The following TOPAZ1 variants were observed in gnomAD, a reference collection of about 807,000 sequenced individuals.
The protein encoded by TOPAZ1 is testis and ovary specific TOPAZ 1, also known as protein TOPAZ1.
In TOPAZ1, 66 loss-of-function variants were observed where a neutral mutation model predicts 172.2. That is an observed-to-expected ratio of 0.38 (90% CI 0.31 to 0.47). TOPAZ1 has a LOEUF of 0.47. TOPAZ1 is among the 20% of genes least tolerant of loss of function. TOPAZ1 has a pLI of 0.99. For missense variants in TOPAZ1, 1,822 were observed against 1,972.4 expected, an observed-to-expected ratio of 0.92 and a Z score of 1.44; for synonymous variants, 681 against 683.9, an observed-to-expected ratio of 1.00 and a Z score of 0.07.
intron 3 of TOPAZ1, 69 bp from the exon 4 acceptor site, chr3:44,256,082 G>T: frequency 1.6e-6 from 2 of 1,230,598 alleles, no homozygotes; most frequent in South Asian, 3.5e-5. Flanking sequence ...TCATTTTTTA[G>T]AACAGCCTTT....
At chr3:44,298,910 T>TATATATA (rs1491140048) in intron 12 of TOPAZ1, among the ~76,000 whole-genome samples, 250 of 16,110 alleles carry the variant, frequency 0.016, 3 homozygotes, top group Middle Eastern at 0.083. Context: ...TATATATATA[T>TATATATA]TTTTTTTTTT....
chr3:44,257,352 G>GGGGGGTGTGTGTGTGT (rs1264696203), intron 4 of TOPAZ1, among the ~76,000 whole-genome samples: 1 of 110,386 alleles, frequency 9.1e-6, no homozygotes, highest in African/African-American at 3.9e-5. Flanking sequence ...AAAACATAGG[G>GGGGGGTGTGTGTGTGT]GTGTGTGTGT....
Position 44,287,736 on chromosome 3 carries a change from G to T in TOPAZ1, c.3589-11G>T. 2 of 1,383,594 alleles carry T rather than the reference G, an allele frequency of 1.4e-6. No individual in the cohort carries two copies. The highest frequency in any genetic ancestry group is 9.8e-7 in the Non-Finnish European group (1 of 1,025,536). The allele number at this position is 1,383,594 out of a possible 1,614,324, so 85.7% of individuals were successfully genotyped here. ...ATCTGAAAATGAGTGTAATTTTTTT[G>T]TTTTATCCAGCCTTCTCTGAAAATA... is the stretch of plus-strand genomic sequence containing the variant. On this transcript the variant is annotated splice_polypyrimidine_tract_variant and intron_variant, in intron 10 of 19. Coordinates refer to ENST00000309765, the MANE Select transcript of TOPAZ1 (RefSeq NM_001145030.2).
chr3:44,315,337 T>C (rs1700440317), intron 16 of TOPAZ1, among the ~76,000 whole-genome samples: 1 of 151,964 alleles, frequency 6.6e-6, no homozygotes, highest in Non-Finnish European at 1.5e-5. Context: ...AGAAAAATCA[T>C]TTCAGAAAAA....
chr3:44,301,016 A>G (rs1700266790), intron 12 of TOPAZ1, among the ~76,000 whole-genome samples: 1 of 152,236 alleles, frequency 6.6e-6, no homozygotes, highest in Non-Finnish European at 1.5e-5. Flanking sequence ...TTTAAAAGCT[A>G]ATCTCAAAAG....
chr3:44,257,367 G>A (rs1311972002), intron 4 of TOPAZ1, among the ~76,000 whole-genome samples: 7 of 38,400 alleles, frequency 1.8e-4, no homozygotes, highest in Non-Finnish European at 8.5e-5. Flanking sequence ...GTGTGTGTGT[G>A]TGTGTGTGTG....
Position 44,243,138 on chromosome 3 carries a change from G to T in TOPAZ1, c.632G>T (p.Cys211Phe). Residue 211 changes from cysteine to phenylalanine, a missense_variant, in exon 2 of 20, where the codon TGT becomes TTT. Around this residue, in one of 2 missense-constraint regions of TOPAZ1, gnomAD observed 1,489 missense variants for 1,490.8 expected, o/e 1.00. Transcript: ENST00000309765. ...TACAAGAATACTCCAAAATATTCTT[G>T]TAATATCTTGTCACCTGAAGTAGAA... ...ELYKNTPKYS[C>F]NILSPEVENN... The T allele has an allele frequency of 1.9e-6, 3 of 1,549,358 alleles. No homozygotes were observed. Among genetic ancestry groups the T allele is most frequent in the Non-Finnish European group, 2.6e-6 (3 of 1,145,720 alleles).
chr3:44,304,137 CA>C (rs2125699440), intron 13 of TOPAZ1, 56 bp downstream of exon 13: 5 of 1,083,708 alleles, frequency 4.6e-6, no homozygotes, highest in East Asian at 2.7e-5. Flanking sequence ...TCAATAGCAA[CA>C]AAAAAGGTTT....
chr3:44,266,783 A>G (rs187713144), intron 5 of TOPAZ1, among the ~76,000 whole-genome samples: 1 of 152,220 alleles, frequency 6.6e-6, no homozygotes, highest in Non-Finnish European at 1.5e-5. Flanking sequence ...TGTGAGAATT[A>G]CCAAAATGTG....
At position 44,245,092 on chromosome 3, in the gene TOPAZ1, C is replaced by G. The variant is rs1434798862; in HGVS notation, c.2586C>G (p.Leu862=). Reference sequence around the variant, plus strand: ...TTAAAGCATATGAAGATGACGTCCTCTTAATTGATGTAATTCAAGATGACC... The same window carrying G: ...TTAAAGCATATGAAGATGACGTCCTGTTAATTGATGTAATTCAAGATGACC... ...DILKAYEDDV[L]LIDVIQDDPD... Residue 862 remains leucine (L), a synonymous_variant, in exon 2 of 20, where the codon CTC becomes CTG. Transcript: ENST00000309765. 1 of 1,551,766 alleles carries G rather than the reference C, an allele frequency of 6.4e-7. No homozygotes were observed.
At chr3:44,266,909 T>A (rs878931828) in intron 5 of TOPAZ1, 88 bp from the exon 6 acceptor site, 43 of 1,023,428 alleles carry the variant, frequency 4.2e-5, no homozygotes, top group East Asian at 5.9e-5. Flanking sequence ...AAAATTTTTT[T>A]AAAAAGAAAT....
rs1559532490 is a variant in TOPAZ1 at position 44,270,821 on chromosome 3, TAA to T, written c.3372+13_3372+14del. 22 of 1,528,884 alleles carry T rather than the reference TAA, an allele frequency of 1.4e-5. No homozygotes were observed. The highest frequency in any genetic ancestry group is 3.4e-4 in the Middle Eastern group (2 of 5,876). The allele number at this position is 1,528,884 out of a possible 1,614,324, so 94.7% of individuals were successfully genotyped here. A position where few individuals can be genotyped will look rare whatever the true frequency, so the allele number is the denominator to read the frequency against. ...CAAGGGGATGAAAAGGTAAAACATA[TAA>T]AGTCTTTAAAGTAGAGATTGTTTTA... is the stretch of plus-strand genomic sequence containing the variant. On this transcript the variant is annotated intron_variant, in intron 8 of 19. Coordinates refer to ENST00000309765, the MANE Select transcript of TOPAZ1 (RefSeq NM_001145030.2).
chr3:44,262,279 A>G (rs1002225796), intron 4 of TOPAZ1, 140 bp from the exon 5 acceptor site: 7 of 372,430 alleles, frequency 1.9e-5, no homozygotes, highest in Non-Finnish European at 3.5e-5. Flanking sequence ...TATGTAGAGT[A>G]GAATTGTTTT....
intron 3 of TOPAZ1, 139 bp from the exon 4 acceptor site, chr3:44,256,012 G>C: frequency 4.1e-6 from 2 of 492,494 alleles, no homozygotes; most frequent in Non-Finnish European, 7.0e-6. Flanking sequence ...TGTATAATTC[G>C]CTGAAAACTC....
At chr3:44,245,409 A>C in intron 2 of TOPAZ1, 138 bp downstream of exon 2, 1 of 817,534 alleles carries the variant, frequency 1.2e-6, no homozygotes. Context: ...GTTATATACC[A>C]TTATTACTGC....
chr3:44,248,491 G>A (rs2125677316), intron 2 of TOPAZ1, among the ~76,000 whole-genome samples: 1 of 151,998 alleles, frequency 6.6e-6, no homozygotes, highest in South Asian at 2.1e-4. Flanking sequence ...TATTTGTTCT[G>A]CACTGGAAAT....
At chr3:44,297,474 TAAAGGAAG>T (rs762659646) in intron 12 of TOPAZ1, among the ~76,000 whole-genome samples, 2 of 152,152 alleles carry the variant, frequency 1.3e-5, no homozygotes. Context: ...AAATTATGAA[TAAAGGAAG>T]AAATTCTTTA....
chr3:44,285,570 A>C (rs80194430), intron 9 of TOPAZ1, among the ~76,000 whole-genome samples: 1 of 43,142 alleles, frequency 2.3e-5, no homozygotes, highest in African/African-American at 6.0e-5. Context: ...AGGTATCATT[A>C]TTTGTTTTTG....
At chr3:44,276,237 T>G (rs986968858) in intron 8 of TOPAZ1, among the ~76,000 whole-genome samples, 3 of 152,222 alleles carry the variant, frequency 2.0e-5, no homozygotes, top group Admixed American at 2.0e-4. Context: ...CCTGTGCTTT[T>G]GCAGTTTTTG....
Sources: allele counts gnomAD v4.1 joint callset (sites outside exome capture counted in the v4.1 genomes callset), GRCh38; gene constraint gnomAD v4.1.1; regional missense constraint gnomAD v4.1.1; transcripts MANE v1.5; gene names NCBI Gene and HGNC (gene_info 2026-07-23, HGNC 2026-07-21).